The following ZSWIM5 variants were observed in gnomAD, a reference collection of about 807,000 sequenced individuals.
ZSWIM5 encodes zinc finger SWIM-type containing 5, also known as zinc finger SWIM domain-containing protein 5.
Under a neutral mutation model 119.6 loss-of-function variants are expected in ZSWIM5, and 55 were observed. That is an observed-to-expected ratio of 0.46 (90% CI 0.37 to 0.58). The LOEUF (loss-of-function observed/expected upper bound fraction) is 0.58, where lower values mean the gene tolerates loss of function less well. Ranked by LOEUF, ZSWIM5 falls within the 20% of genes least tolerant of loss-of-function variation. ZSWIM5 has a pLI of 0.00. For missense variants in ZSWIM5, 1,193 were observed against 1,512.8 expected (o/e 0.79, Z 3.51); for synonymous variants, 537 against 606.9 (o/e 0.88, Z 1.69).
chr1:45,034,339 C>T lies in ZSWIM5; in HGVS notation c.2422G>A (p.Ala808Thr). 6.2e-7 allele frequency: 1 copy of T among 1,612,090 alleles called. No homozygotes were observed. The highest frequency in any genetic ancestry group is 8.5e-7 in the Non-Finnish European group (1 of 1,179,104). The change falls in exon 11 of 14, where the codon GCC becomes ACC. Residue 808 changes from alanine to threonine, a missense_variant. Ala to Thr is a moderately conservative substitution (Grantham distance 58). Around this residue, in one of 2 missense-constraint regions of ZSWIM5, gnomAD observed 961 missense variants for 1,290.0 expected, o/e 0.74. Coordinates refer to ENST00000359600, the MANE Select transcript of ZSWIM5 (RefSeq NM_020883.2). ...TTGGCAGCAGTCAGCATGGTGGAGG[C>T]CAGTTCACACTGCTGTGATTCCAAG... ...GHLESQQCEL[A>T]STMLTAAKGD...
At chr1:45,131,451 C>T (rs1324975368) in intron 1 of ZSWIM5, among the ~76,000 whole-genome samples, 1 of 152,008 alleles carries the variant, frequency 6.6e-6, no homozygotes, top group Non-Finnish European at 1.5e-5. Context: ...CAGCCGGGTG[C>T]TGTGGCTCAT....
chr1:45,179,811 G>T (rs1646004269), intron 1 of ZSWIM5, among the ~76,000 whole-genome samples: 1 of 152,136 alleles, frequency 6.6e-6, no homozygotes, highest in Admixed American at 6.6e-5. Flanking sequence ...AGATTCTTCA[G>T]ATGTAGCAAT....
chr1:45,070,232 A>T, intron 2 of ZSWIM5: 1 of 1,460,234 alleles, frequency 6.8e-7, no homozygotes, highest in South Asian at 1.1e-5. Context: ...TCTGATGCCC[A>T]TGTTCATCAG....
At chr1:45,073,658 T>C (rs879588448) in intron 2 of ZSWIM5, among the ~76,000 whole-genome samples, 2 of 151,926 alleles carry the variant, frequency 1.3e-5, no homozygotes, top group African/African-American at 2.4e-5. Context: ...TTTCCAAATA[T>C]AAGATCATAT....
intron 1 of ZSWIM5, among the ~76,000 whole-genome samples, chr1:45,205,153 T>A (rs927951020): frequency 1.7e-5 from 2 of 118,842 alleles, no homozygotes; most frequent in Non-Finnish European, 3.5e-5. Flanking sequence ...TGGGTGGGGG[T>A]GTGGAGGAGA....
chr1:45,107,423 G>C (rs1170029259), intron 1 of ZSWIM5, among the ~76,000 whole-genome samples: 1 of 151,906 alleles, frequency 6.6e-6, no homozygotes, highest in Non-Finnish European at 1.5e-5. Flanking sequence ...TGGATCATGA[G>C]GTCAGGTGAT....
chr1:45,180,983 G>A (rs1301673779), intron 1 of ZSWIM5, among the ~76,000 whole-genome samples: 11 of 152,054 alleles, frequency 7.2e-5, no homozygotes, highest in African/African-American at 2.4e-4. Context: ...AAAGATGGGG[G>A]AAAAACAGAG....
chr1:45,202,361 A>G (rs1168177448), intron 1 of ZSWIM5, among the ~76,000 whole-genome samples: 1 of 152,108 alleles, frequency 6.6e-6, no homozygotes, highest in Admixed American at 6.5e-5. Context: ...TTGATGATAT[A>G]CAAGTGTACA....
At chr1:45,052,412 A>G (rs1645094587) in intron 4 of ZSWIM5, among the ~76,000 whole-genome samples, 1 of 152,216 alleles carries the variant, frequency 6.6e-6, no homozygotes, top group Non-Finnish European at 1.5e-5. Flanking sequence ...AAGCCTCTCA[A>G]AGCCAAATAG....
At chr1:45,067,559 AGAG>A (rs1480081644) in intron 2 of ZSWIM5, among the ~76,000 whole-genome samples, 3 of 152,230 alleles carry the variant, frequency 2.0e-5, no homozygotes, top group Non-Finnish European at 4.4e-5. Context: ...TAAAATAAGA[AGAG>A]GAGAAAATGT....
intron 1 of ZSWIM5, among the ~76,000 whole-genome samples, chr1:45,188,959 T>A (rs150548576): frequency 6.6e-6 from 1 of 152,338 alleles, no homozygotes; most frequent in East Asian, 1.9e-4. Flanking sequence ...ACTAACATAC[T>A]GGATAACATT....
intron 1 of ZSWIM5, among the ~76,000 whole-genome samples, chr1:45,182,183 G>A (rs537154912): frequency 1.2e-4 from 19 of 152,258 alleles, no homozygotes; most frequent in South Asian, 4.1e-4. Context: ...TTGGGAGGCC[G>A]AGGCGGGCGG....
intron 11 of ZSWIM5, 67 bp downstream of exon 11, chr1:45,034,245 C>G (rs933263892): frequency 6.7e-7 from 1 of 1,499,088 alleles, no homozygotes; most frequent in South Asian, 1.4e-5. Context: ...GCAGGCCAAG[C>G]CTTTGACATG....
At chr1:45,104,878 A>G (rs995010429) in intron 1 of ZSWIM5, among the ~76,000 whole-genome samples, 4 of 152,208 alleles carry the variant, frequency 2.6e-5, no homozygotes, top group Admixed American at 2.6e-4. Flanking sequence ...TGTACCAGAA[A>G]CCACAGTTCA....
At chr1:45,202,224 A>C (rs1646162584) in intron 1 of ZSWIM5, among the ~76,000 whole-genome samples, 1 of 152,070 alleles carries the variant, frequency 6.6e-6, no homozygotes, top group African/African-American at 2.4e-5. Flanking sequence ...TTCAATGTAG[A>C]TATCTTTTGT....
chr1:45,018,908 G>A lies in ZSWIM5; in HGVS notation c.3104C>T (p.Thr1035Ile), dbSNP rs1197371133. Residue 1035 changes from threonine (T) to isoleucine (I), a missense_variant, in exon 14 of 14, where the codon ACT (threonine) becomes ATT (isoleucine). By Grantham distance (89) the Thr-to-Ile change is moderately conservative. This residue lies in a region of ZSWIM5 where 961 missense variants were observed against 1,290.0 expected (regional missense o/e 0.74). Transcript: ENST00000359600. The surrounding 1 kb of genome is among the most constrained non-coding windows in gnomAD (Gnocchi z 6.7). Reference protein sequence around the residue: ...SHLNLAYNQDTHPAINDVLWA... With the variant: ...SHLNLAYNQDIHPAINDVLWA... ...GAGCACATCATTGATGGCTGGGTGA[G>A]TATCCTGGTTGTAGGCCAGGTTAAG... 6.2e-7 allele frequency: 1 copy of A among 1,614,268 alleles called. No homozygotes were observed. Among genetic ancestry groups the A allele is most frequent in the South Asian group, 1.1e-5 (1 of 91,088 alleles).
chr1:45,143,032 G>A (rs1335236754), intron 1 of ZSWIM5, among the ~76,000 whole-genome samples: 2 of 150,954 alleles, frequency 1.3e-5, no homozygotes, highest in Non-Finnish European at 3.0e-5. Context: ...AAAATTAGCT[G>A]GGTGTGGTGC....
At chr1:45,083,050 C>A (rs1013556199) in intron 2 of ZSWIM5, among the ~76,000 whole-genome samples, 4 of 152,010 alleles carry the variant, frequency 2.6e-5, no homozygotes, top group Non-Finnish European at 4.4e-5. Flanking sequence ...GGGATGGGGG[C>A]AGAACTCAGG....
At chr1:45,196,909 A>C (rs1646129148) in intron 1 of ZSWIM5, among the ~76,000 whole-genome samples, 1 of 152,168 alleles carries the variant, frequency 6.6e-6, no homozygotes, top group South Asian at 2.1e-4. Flanking sequence ...CTGGGCCTAC[A>C]TTTAAAATAG....
Sources: gnomAD v4.1 joint callset for allele counts (sites outside exome capture counted in the v4.1 genomes callset) on GRCh38, gnomAD v4.1.1 for gene constraint, gnomAD v4.1.1 regional missense constraint, Gnocchi (gnomAD v3.1) non-coding constraint, MANE v1.5 for transcripts, NCBI Gene and HGNC (gene_info 2026-07-23, HGNC 2026-07-21) for gene names.